Variants in OR5H14 observed in about 807,000 individuals in gnomAD.
OR5H14 encodes olfactory receptor family 5 subfamily H member 14, also known as olfactory receptor 5H14.
For missense variants in OR5H14, 392 were observed against 363.9 expected, an observed-to-expected ratio of 1.08 and a Z score of -0.63; for synonymous variants, 155 against 130.6, an observed-to-expected ratio of 1.19 and a Z score of -1.28.
Position 98,147,541 on chromosome 3 carries a change from T to C in OR5H14, c.-32T>C, listed in dbSNP as rs1030128492. 2.6e-5 allele frequency: 4 copies of C among 152,158 alleles called. No homozygotes were observed. The highest frequency in any genetic ancestry group is 9.7e-5 in the African/African-American group (4 of 41,448). 9.4% of individuals were successfully genotyped at this position (152,158 alleles called of 1,614,324 possible). On this transcript the variant is annotated 5_prime_UTR_variant, in exon 1 of 2. Transcript: ENST00000641380. ...ACGTTTAAAGGATATCCACAATTTC[T>C]TTCAAAAATATGGGTAAGGAAGAAA... is the stretch of plus-strand genomic sequence containing the variant.
rs1708501395 is a variant in OR5H14, at chr3:98,151,095, G to C, written c.*777G>C. 6.6e-6 allele frequency: 1 copy of C among 152,058 alleles called. No homozygotes were observed. Among genetic ancestry groups the C allele is most frequent in the Non-Finnish European group, 1.5e-5 (1 of 67,990 alleles). The allele number at this position is 152,058 out of a possible 1,614,324, so 9.4% of individuals were successfully genotyped here. On this transcript the variant is annotated 3_prime_UTR_variant, in exon 2 of 2. Coordinates refer to ENST00000641380, the MANE Select transcript of OR5H14 (RefSeq NM_001005514.2). ...TAGAACTTAGTTTAAAGTGGGGATA[G>C]AAAAGAAAAGATAAATGGCATAGTG...
rs1708585310 is a variant in OR5H14, at chr3:98,156,021, C to T, written c.*5703C>T. Reference sequence around the variant, plus strand: ...TTGTCCTACAGGAAAGCCTAAGATGCTCTCAGGGGAATTTCAGTTCTCTGA... The same window carrying T: ...TTGTCCTACAGGAAAGCCTAAGATGTTCTCAGGGGAATTTCAGTTCTCTGA... On this transcript the variant is annotated 3_prime_UTR_variant, in exon 2 of 2. Coordinates refer to ENST00000641380, the MANE Select transcript of OR5H14 (RefSeq NM_001005514.2). 6.6e-6 allele frequency: 1 copy of T among 152,154 alleles called. No individual in the cohort carries two copies. Among genetic ancestry groups the T allele is most frequent in the Non-Finnish European group, 1.5e-5 (1 of 68,008 alleles). The allele number at this position is 152,154 out of a possible 1,614,324, so 9.4% of individuals were successfully genotyped here. A position where few individuals can be genotyped will look rare whatever the true frequency, so the allele number is the denominator to read the frequency against.
chr3:98,149,263 A>T (rs1440996412), intron 1 of OR5H14, 105 bp from the exon 2 acceptor site: 2 of 1,173,632 alleles, frequency 1.7e-6, no homozygotes, highest in Non-Finnish European at 2.4e-6. Flanking sequence ...TGATCAAAAA[A>T]TTGAGTCTCT....
chr3:98,148,091 C>A (rs935305091), intron 1 of OR5H14: 1 of 151,780 alleles, frequency 6.6e-6, no homozygotes, highest in Non-Finnish European at 1.5e-5. Context: ...GAAACCAAAA[C>A]CTTTCTGTGT....
At chr3:98,148,768 T>A (rs1282849273) in intron 1 of OR5H14, among the ~76,000 whole-genome samples, 1 of 152,036 alleles carries the variant, frequency 6.6e-6, no homozygotes. Context: ...ATTTCTGAAA[T>A]AATCAATTTC....
chr3:98,156,225 G>A lies in OR5H14; in HGVS notation c.*5907G>A, dbSNP rs1333346781. 1 of 152,098 alleles carries A rather than the reference G, an allele frequency of 6.6e-6. No individual in the cohort carries two copies. The highest frequency in any genetic ancestry group is 2.4e-5 in the African/African-American group (1 of 41,434). The allele number at this position is 152,098 out of a possible 1,614,324, so 9.4% of individuals were successfully genotyped here. A position where few individuals can be genotyped will look rare whatever the true frequency, so the allele number is the denominator to read the frequency against. On this transcript the variant is annotated 3_prime_UTR_variant, in exon 2 of 2. Coordinates refer to ENST00000641380, the MANE Select transcript of OR5H14 (RefSeq NM_001005514.2). ...CTATTATGTATTTTTCTCTGCTTTAGAAAGCCTAATACTTTTAAAGGATCT... is the reference window on the plus strand; with the variant it reads ...CTATTATGTATTTTTCTCTGCTTTAAAAAGCCTAATACTTTTAAAGGATCT...
Position 98,151,366 on chromosome 3 carries a change from T to A in OR5H14, c.*1048T>A, listed in dbSNP as rs1264977710. On this transcript the variant is annotated 3_prime_UTR_variant, in exon 2 of 2. Coordinates refer to ENST00000641380, the MANE Select transcript of OR5H14 (RefSeq NM_001005514.2). The stretch of plus-strand genomic sequence containing the variant: ...CAAAAAGTCCTTATTAGTCTTCTTC[T>A]CACTTCATATTCTTGAAGTATGTGA... 2 of 152,162 alleles carry A rather than the reference T, an allele frequency of 1.3e-5. No individual in the cohort carries two copies. Among genetic ancestry groups the A allele is most frequent in the African/African-American group, 4.8e-5 (2 of 41,450 alleles). 9.4% of individuals were successfully genotyped at this position (152,162 alleles called of 1,614,324 possible). A position where few individuals can be genotyped will look rare whatever the true frequency, so the allele number is the denominator to read the frequency against.
chr3:98,151,017 T>A lies in OR5H14; in HGVS notation c.*699T>A, dbSNP rs1407265447. 1 of 152,088 alleles carries A rather than the reference T, an allele frequency of 6.6e-6. No individual in the cohort carries two copies. Among genetic ancestry groups the A allele is most frequent in the African/African-American group, 2.4e-5 (1 of 41,420 alleles). The allele number at this position is 152,088 out of a possible 1,614,324, so 9.4% of individuals were successfully genotyped here. A position where few individuals can be genotyped will look rare whatever the true frequency, so the allele number is the denominator to read the frequency against. The stretch of plus-strand genomic sequence containing the variant: ...CTAAGGCACTTTCCAGCTGTGATTG[T>A]GTTTTCAGAGAATCTGAAAAGCTTC... On this transcript the variant is annotated 3_prime_UTR_variant, in exon 2 of 2. Transcript: ENST00000641380.
At chr3:98,147,741 T>C (rs1708441255) in intron 1 of OR5H14, among the ~76,000 whole-genome samples, 187 bp downstream of exon 1, 1 of 152,084 alleles carries the variant, frequency 6.6e-6, no homozygotes, top group Non-Finnish European at 1.5e-5. Flanking sequence ...GGTAAATAGT[T>C]ATAAGACTGA....
Position 98,150,085 on chromosome 3 carries a change from A to G in OR5H14, c.700A>G (p.Met234Val), listed in dbSNP as rs1309404565. ...TILKKKSVKG[M>V]RKAFSTCGAH... is the part of the protein sequence containing the mutation. ...CTTGAAAAAGAAGTCTGTCAAAGGT[A>G]TGAGAAAAGCCTTCTCCACCTGTGG... The change falls in exon 2 of 2, where the codon ATG becomes GTG. Residue 234 changes from methionine (M) to valine (V), a missense_variant. Transcript: ENST00000641380. 23 of 1,610,810 alleles carry G rather than the reference A, an allele frequency of 1.4e-5. No individual in the cohort carries two copies. The Admixed American group carries it at 3.5e-4, about 25-fold the overall frequency.
rs2107321976 is a variant in OR5H14 at position 98,155,987 on chromosome 3, A to C, written c.*5669A>C. ...CTAAATCCACAATGCCCAGTTGAAGATCTTCACTTTGTCCTACAGGAAAGC... is the reference window on the plus strand; with the variant it reads ...CTAAATCCACAATGCCCAGTTGAAGCTCTTCACTTTGTCCTACAGGAAAGC... On this transcript the variant is annotated 3_prime_UTR_variant, in exon 2 of 2. Transcript: ENST00000641380. 1 of 152,294 alleles carries C rather than the reference A, an allele frequency of 6.6e-6. No individual in the cohort carries two copies. The highest frequency in any genetic ancestry group is 2.4e-5 in the African/African-American group (1 of 41,582). 9.4% of individuals were successfully genotyped at this position (152,294 alleles called of 1,614,324 possible).
rs986721486 is a variant in OR5H14 at position 98,154,368 on chromosome 3, C to G, written c.*4050C>G. 2 of 152,184 alleles carry G rather than the reference C, an allele frequency of 1.3e-5. No homozygotes were observed. Among genetic ancestry groups the G allele is most frequent in the Admixed American group, 6.5e-5 (1 of 15,272 alleles). 9.4% of individuals were successfully genotyped at this position (152,184 alleles called of 1,614,324 possible). A position where few individuals can be genotyped will look rare whatever the true frequency, so the allele number is the denominator to read the frequency against. ...TTAACCAGGTTAAAGTATCATGTTA[C>G]TAAATTGATAAAGATCAGGGAGTCC... On this transcript the variant is annotated 3_prime_UTR_variant, in exon 2 of 2. Coordinates refer to ENST00000641380, the MANE Select transcript of OR5H14 (RefSeq NM_001005514.2).
At position 98,151,325 on chromosome 3, in the gene OR5H14, C is replaced by T. The variant is rs1708504595; in HGVS notation, c.*1007C>T. On this transcript the variant is annotated 3_prime_UTR_variant, in exon 2 of 2. Coordinates refer to ENST00000641380, the MANE Select transcript of OR5H14 (RefSeq NM_001005514.2). ...AAAAACATGAAAATGAGGAAGAGTT[C>T]GGATATTTTCTACTTCAAAAAGTCC... 6.6e-6 allele frequency: 1 copy of T among 152,012 alleles called. No homozygotes were observed. The highest frequency in any genetic ancestry group is 2.1e-4 in the South Asian group (1 of 4,800). 9.4% of individuals were successfully genotyped at this position (152,012 alleles called of 1,614,324 possible). A position where few individuals can be genotyped will look rare whatever the true frequency, so the allele number is the denominator to read the frequency against.
Position 98,153,697 on chromosome 3 carries a change from T to C in OR5H14, c.*3379T>C, listed in dbSNP as rs1284175290. The C allele has an allele frequency of 2.0e-5, 3 of 152,226 alleles. No individual in the cohort carries two copies. Among genetic ancestry groups the C allele is most frequent in the Non-Finnish European group, 4.4e-5 (3 of 68,036 alleles). 9.4% of individuals were successfully genotyped at this position (152,226 alleles called of 1,614,324 possible). On this transcript the variant is annotated 3_prime_UTR_variant, in exon 2 of 2. Transcript: ENST00000641380. ...TTAAGCTCAAAGCATCTTTTGATGA[T>C]GGGACAAAATGGCAGTTGCAATCTG... is the stretch of plus-strand genomic sequence containing the variant.
intron 1 of OR5H14, among the ~76,000 whole-genome samples, chr3:98,148,639 C>T (rs72927978): frequency 0.03 from 4,488 of 152,066 alleles, 214 homozygotes; most frequent in African/African-American, 0.097. Flanking sequence ...TTCTGGATTC[C>T]TTGGAATCTA....
rs1391200019 is a variant in OR5H14, at chr3:98,151,650, C to T, written c.*1332C>T. 6 of 152,060 alleles carry T rather than the reference C, an allele frequency of 3.9e-5. No homozygotes were observed. The highest frequency in any genetic ancestry group is 7.4e-5 in the Non-Finnish European group (5 of 67,998). 9.4% of individuals were successfully genotyped at this position (152,060 alleles called of 1,614,324 possible). A position where few individuals can be genotyped will look rare whatever the true frequency, so the allele number is the denominator to read the frequency against. On this transcript the variant is annotated 3_prime_UTR_variant, in exon 2 of 2. Transcript: ENST00000641380. The stretch of plus-strand genomic sequence containing the variant: ...GTACATGTGTTTTAGGTGTCAATAT[C>T]TATGTATACATACACTTATGTATAC...
At position 98,150,014 on chromosome 3, in the gene OR5H14, C is replaced by T. The variant is rs753119594; in HGVS notation, c.629C>T (p.Thr210Ile). 3.7e-6 allele frequency: 6 copies of T among 1,612,974 alleles called. No individual in the cohort carries two copies. The South Asian group carries it at 5.5e-5, about 15-fold the overall frequency. ...FIFAGSIQVF[T>I]IGTVLISYIF... ...TTTGCAGGTTCAATTCAAGTTTTTA[C>T]CATAGGGACTGTTCTTATATCTTAC... The change falls in exon 2 of 2, where the codon ACC becomes ATC. Residue 210 changes from threonine to isoleucine, a missense_variant. Transcript: ENST00000641380.
At position 98,154,881 on chromosome 3, in the gene OR5H14, G is replaced by A. The variant is rs1186542270; in HGVS notation, c.*4563G>A. ...TCAAAGCAAACTTCCTCCTAGCTTGGGGATCTGACCACCTTTGTAAAACTC... is the reference window on the plus strand; with the variant it reads ...TCAAAGCAAACTTCCTCCTAGCTTGAGGATCTGACCACCTTTGTAAAACTC... On this transcript the variant is annotated 3_prime_UTR_variant, in exon 2 of 2. Transcript: ENST00000641380. 6.6e-6 allele frequency: 1 copy of A among 152,132 alleles called. No homozygotes were observed. Among genetic ancestry groups the A allele is most frequent in the Non-Finnish European group, 1.5e-5 (1 of 68,008 alleles). The allele number at this position is 152,132 out of a possible 1,614,324, so 9.4% of individuals were successfully genotyped here. A position where few individuals can be genotyped will look rare whatever the true frequency, so the allele number is the denominator to read the frequency against.
Position 98,156,286 on chromosome 3 carries a change from A to T in OR5H14, c.*5968A>T, listed in dbSNP as rs1262552604. ...TTATGATATTAGTAAAAGAGAAATT[A>T]TTTTATCATATCCACTATTATTTTT... On this transcript the variant is annotated 3_prime_UTR_variant, in exon 2 of 2. Coordinates refer to ENST00000641380, the MANE Select transcript of OR5H14 (RefSeq NM_001005514.2). The T allele has an allele frequency of 6.6e-6, 1 of 152,172 alleles. No individual in the cohort carries two copies. Among genetic ancestry groups the T allele is most frequent in the East Asian group, 1.9e-4 (1 of 5,200 alleles). The allele number at this position is 152,172 out of a possible 1,614,324, so 9.4% of individuals were successfully genotyped here. A position where few individuals can be genotyped will look rare whatever the true frequency, so the allele number is the denominator to read the frequency against.
Sources: gnomAD v4.1 joint callset for allele counts (sites outside exome capture counted in the v4.1 genomes callset) on GRCh38, gnomAD v4.1.1 for gene constraint, MANE v1.5 for transcripts, NCBI Gene and HGNC (gene_info 2026-07-23, HGNC 2026-07-21) for gene names.